CCDC170: variants seen among roughly 807,000 people sequenced by gnomAD.
The protein encoded by CCDC170 is coiled-coil domain-containing protein 170.
CCDC170 carries 69 observed loss-of-function variants against 72.6 expected under a neutral mutation model. The ratio of observed to expected loss-of-function variants is 0.95; its 90% CI spans 0.78 to 1.16. The LOEUF is 1.16. CCDC170 is among the 50% of genes most tolerant of loss of function. CCDC170 has a pLI of 0.00. For synonymous variants in CCDC170, 300 were observed against 303.9 expected (o/e 0.99, Z 0.13); for missense variants, 852 against 832.5 (o/e 1.02, Z -0.29).
At position 151,573,246 on chromosome 6, in the gene CCDC170, G is replaced by C; in HGVS notation, c.847G>C (p.Ala283Pro). ...EVKIFQERLL[A>P]GQQVWDASKQ... ...TAAGATCTTCCAAGAAAGGCTGCTTGCTGGCCAGCAGGTCTGGGATGCCTC... is the reference window on the plus strand; with the variant it reads ...TAAGATCTTCCAAGAAAGGCTGCTTCCTGGCCAGCAGGTCTGGGATGCCTC... The change falls in exon 6 of 11, where the codon GCT becomes CCT. Residue 283 changes from alanine to proline, a missense_variant. Physicochemically the swap from Ala to Pro is conservative, Grantham distance 27. Transcript: ENST00000239374. 6.2e-7 allele frequency: 1 copy of C among 1,614,144 alleles called. No individual in the cohort carries two copies.
At position 151,530,502 on chromosome 6, in the gene CCDC170, C is replaced by A. The variant is rs1177442170; in HGVS notation, c.58-5816C>A. On this transcript the variant is annotated intron_variant, in intron 1 of 10. Transcript: ENST00000239374. ...TGTCAGCCAGGCTGGAGTGCAGTGG[C>A]GTGATCTTGGCTCACTGCAACCTCT... Among the ~76,000 whole-genome samples the A allele has an allele frequency of 2.6e-5, 4 of 151,304 alleles. 1 individual carries two copies. Among genetic ancestry groups the A allele is most frequent in the African/African-American group, 4.8e-5 (2 of 41,248 alleles).
chr6:151,596,893 C>T (rs1425719653), intron 9 of CCDC170, among the ~76,000 whole-genome samples: 1 of 152,146 alleles, frequency 6.6e-6, no homozygotes, highest in Non-Finnish European at 1.5e-5. Context: ...ATGACGTGAT[C>T]TTGGCTCACC....
At position 151,575,873 on chromosome 6, in the gene CCDC170, C is replaced by T. The variant is rs575213919; in HGVS notation, c.1092+2382C>T. Among the ~76,000 whole-genome samples the T allele has an allele frequency of 5.9e-5, 9 of 152,234 alleles. 1 individual carries two copies. The East Asian group carries it at 1.4e-3, about 23-fold the overall frequency. On this transcript the variant is annotated intron_variant, in intron 6 of 10. Transcript: ENST00000239374. ...CTTTGTGGAGATAAAATGTGGAGTGCTCATTGGCTGTCCTCCACTCTAATG... is the reference window on the plus strand; with the variant it reads ...CTTTGTGGAGATAAAATGTGGAGTGTTCATTGGCTGTCCTCCACTCTAATG...
At position 151,524,929 on chromosome 6, in the gene CCDC170, CTTT is replaced by C. The variant is rs34288029; in HGVS notation, c.58-11370_58-11368del. Among the ~76,000 whole-genome samples the C allele has an allele frequency of 3.7e-3, 412 of 109,988 alleles. 1 individual carries two copies. The highest frequency in any genetic ancestry group is 6.3e-3 in the Non-Finnish European group (354 of 56,424). 72.2% of individuals were successfully genotyped at this position (109,988 alleles called of 152,430 possible). On this transcript the variant is annotated intron_variant, in intron 1 of 10. Coordinates refer to ENST00000239374, the MANE Select transcript of CCDC170 (RefSeq NM_025059.4). ...AGATCCAAATGGATTTAGTCTGATT[CTTT>C]TTTTTTTTTTTTTTTTTTGAGACGG...
rs544443970 is a variant in CCDC170 at position 151,569,688 on chromosome 6, C to G, written c.775-3486C>G. Among the ~76,000 whole-genome samples the G allele has an allele frequency of 5.9e-5, 9 of 152,302 alleles. No homozygotes were observed. In the South Asian group the frequency reaches 1.7e-3, roughly 28 times the overall value. On this transcript the variant is annotated intron_variant, in intron 5 of 10. Coordinates refer to ENST00000239374, the MANE Select transcript of CCDC170 (RefSeq NM_025059.4). The stretch of plus-strand genomic sequence containing the variant: ...CTTGAGGTAGCCATGGAACCAGAAT[C>G]CACTCTGATGGCTTTCTCCTGATAG...
In CCDC170 at chr6:151,620,187, T is replaced by A. The variant is rs1390342352; in HGVS notation, c.*2040T>A. On this transcript the variant is annotated 3_prime_UTR_variant, in exon 11 of 11. Coordinates refer to ENST00000239374, the MANE Select transcript of CCDC170 (RefSeq NM_025059.4). ...TACCAATAAATGTAGAATGGATGAT[T>A]CCAAAAAAAAAAAAAAAAAGAAGAA... 3.1e-5 allele frequency: 1 copy of A among 32,476 alleles called. No individual in the cohort carries two copies. Among genetic ancestry groups the A allele is most frequent in the African/African-American group, 1.9e-4 (1 of 5,308 alleles). The allele number at this position is 32,476 out of a possible 1,614,324, so 2.0% of individuals were successfully genotyped here.
chr6:151,574,665 G>A (rs914605487), intron 6 of CCDC170, among the ~76,000 whole-genome samples: 3 of 152,110 alleles, frequency 2.0e-5, no homozygotes, highest in Admixed American at 6.6e-5. Context: ...TTGTCATTTT[G>A]GGTCAGGATT....
rs867380201 is a variant in CCDC170 at position 151,584,413 on chromosome 6, T to A, written c.1093-1476T>A. On this transcript the variant is annotated intron_variant, in intron 6 of 10. Transcript: ENST00000239374. ...TTAAGTGAATGATGACACATTCTCA[T>A]GATGAATTCTTAATGCAGCCATTAA... Among the ~76,000 whole-genome samples the A allele has an allele frequency of 7.2e-5, 11 of 152,328 alleles. No homozygotes were observed. The Middle Eastern group carries it at 0.01, about 141-fold the overall frequency.
At chr6:151,596,659 G>C (rs939632207) in intron 9 of CCDC170, 82 bp downstream of exon 9, 3 of 1,535,888 alleles carry the variant, frequency 2.0e-6, no homozygotes, top group Middle Eastern at 1.8e-4. Context: ...GCTTTATCGG[G>C]ACACGCCAGA....
At chr6:151,513,473 G>T (rs968034399) in intron 1 of CCDC170, among the ~76,000 whole-genome samples, 2 of 151,934 alleles carry the variant, frequency 1.3e-5, no homozygotes, top group Non-Finnish European at 2.9e-5. Flanking sequence ...AGCTGGGCAT[G>T]GTGGTGCACA....
rs560228817 is a variant in CCDC170, at chr6:151,563,511, G to T, written c.775-9663G>T. Among the ~76,000 whole-genome samples the T allele has an allele frequency of 9.8e-4, 149 of 152,290 alleles. 1 individual carries two copies. Among genetic ancestry groups the T allele is most frequent in the African/African-American group, 3.1e-3 (129 of 41,566 alleles). On this transcript the variant is annotated intron_variant, in intron 5 of 10. Transcript: ENST00000239374. The stretch of plus-strand genomic sequence containing the variant: ...CTACGAGTCCCCTGCACCTGCCAAA[G>T]TCAGAATGGGTTGTGGGGTATGTTT...
At chr6:151,546,859 C>A (rs545186833) in intron 4 of CCDC170, among the ~76,000 whole-genome samples, 17 of 152,292 alleles carry the variant, frequency 1.1e-4, no homozygotes, top group African/African-American at 3.6e-4. Context: ...AAGAAACCAT[C>A]TTTTTGATGG....
intron 7 of CCDC170, among the ~76,000 whole-genome samples, chr6:151,588,611 G>A (rs927427270): frequency 2.5e-4 from 38 of 152,152 alleles, no homozygotes; most frequent in African/African-American, 8.7e-4. Context: ...TCTGTTAGAT[G>A]TCTGTAAAGG....
intron 1 of CCDC170, among the ~76,000 whole-genome samples, chr6:151,514,085 G>C (rs1782192436): frequency 6.6e-6 from 1 of 151,044 alleles, no homozygotes; most frequent in Admixed American, 6.6e-5. Context: ...GTGGTAACTG[G>C]GATAAAAAGA....
intron 5 of CCDC170, among the ~76,000 whole-genome samples, chr6:151,569,198 T>A (rs1776183889): frequency 6.6e-6 from 1 of 152,200 alleles, no homozygotes; most frequent in African/African-American, 2.4e-5. Context: ...GTCCTGATGA[T>A]AATCATTGTA....
intron 1 of CCDC170, among the ~76,000 whole-genome samples, chr6:151,529,742 G>C (rs555918020): frequency 1.4e-4 from 21 of 152,306 alleles, no homozygotes; most frequent in Non-Finnish European, 1.0e-4. Flanking sequence ...TCATAAAGGA[G>C]ATAATTGGAG....
intron 5 of CCDC170, among the ~76,000 whole-genome samples, chr6:151,556,116 C>A (rs891755715): frequency 6.6e-6 from 1 of 152,106 alleles, no homozygotes; most frequent in African/African-American, 2.4e-5. Context: ...AAGACTCCTA[C>A]AAAATGACTT....
intron 1 of CCDC170, among the ~76,000 whole-genome samples, chr6:151,510,745 T>C (rs866913541): frequency 1.3e-5 from 2 of 148,500 alleles, no homozygotes; most frequent in African/African-American, 4.9e-5. Flanking sequence ...TTTTTCTTCT[T>C]CTTTTTTTTT....
intron 1 of CCDC170, among the ~76,000 whole-genome samples, chr6:151,499,239 G>A (rs111787968): frequency 8.1e-6 from 1 of 123,342 alleles, no homozygotes; most frequent in African/African-American, 3.7e-5. Flanking sequence ...TTCTAGGCAT[G>A]CTGTATAAGT....
Sources: gnomAD v4.1 joint callset for allele counts (sites outside exome capture counted in the v4.1 genomes callset) on GRCh38, gnomAD v4.1.1 for gene constraint, MANE v1.5 for transcripts, NCBI Gene and HGNC (gene_info 2026-07-23, HGNC 2026-07-21) for gene names.